Variants in GORASP2 observed in about 807,000 individuals in gnomAD.
The protein encoded by GORASP2 is golgi reassembly stacking protein 2, also known as Golgi reassembly-stacking protein 2.
Under a neutral mutation model 45.7 loss-of-function variants are expected in GORASP2, and 22 were observed. The ratio of observed to expected loss-of-function variants is 0.48; its 90% CI spans 0.34 to 0.69. The LOEUF is 0.69. Ranked by LOEUF, GORASP2 falls within the 30% of genes least tolerant of loss-of-function variation. The pLI is 0.01. For synonymous variants in GORASP2, 221 were observed against 215.6 expected (o/e 1.02, Z -0.22); for missense variants, 491 against 562.7 (o/e 0.87, Z 1.29).
Position 170,965,645 on chromosome 2 carries a change from T to C in GORASP2, c.1019-145T>C, listed in dbSNP as rs1704667498. The C allele has an allele frequency of 4.6e-6, 3 of 646,962 alleles. No individual in the cohort carries two copies. The South Asian group carries it at 5.6e-5, about 12-fold the overall frequency. The allele number at this position is 646,962 out of a possible 1,614,324, so 40.1% of individuals were successfully genotyped here. A position where few individuals can be genotyped will look rare whatever the true frequency, so the allele number is the denominator to read the frequency against. Reference sequence around the variant, plus strand: ...ATAGTTAACCCTGCCAGGGCCTCTATCTGGAAATCAGCCAAGGTTGTGATT... The same window carrying C: ...ATAGTTAACCCTGCCAGGGCCTCTACCTGGAAATCAGCCAAGGTTGTGATT... On this transcript the variant is annotated intron_variant, in intron 9 of 9. Coordinates refer to ENST00000234160, the MANE Select transcript of GORASP2 (RefSeq NM_015530.5).
At chr2:170,929,953 GGACTTAAACA>G (rs1703779525) in intron 1 of GORASP2, 1 of 349,382 alleles carries the variant, frequency 2.9e-6, no homozygotes, top group African/African-American at 2.3e-5. Context: ...TAGGTTCGAC[GGACTTAAACA>G]GACTTGATTT....
intron 7 of GORASP2, among the ~76,000 whole-genome samples, chr2:170,959,124 C>G (rs1704494407): frequency 6.7e-6 from 1 of 150,368 alleles, no homozygotes; most frequent in Admixed American, 6.7e-5. Flanking sequence ...CCATGCCCGG[C>G]TAATTGTTTG....
intron 9 of GORASP2, among the ~76,000 whole-genome samples, chr2:170,963,473 C>CCCCCTCCTCCT (rs1559316839): frequency 7.8e-6 from 1 of 127,588 alleles, no homozygotes; most frequent in Non-Finnish European, 1.7e-5. Context: ...CTCCTCCTCC[C>CCCCCTCCTCCT]CCTCCTCCTC....
At chr2:170,932,202 A>G (rs1230357541) in intron 1 of GORASP2, among the ~76,000 whole-genome samples, 1 of 152,162 alleles carries the variant, frequency 6.6e-6, no homozygotes, top group Non-Finnish European at 1.5e-5. Context: ...ACTCTAGCCT[A>G]GGCAAAAAGA....
In GORASP2 at chr2:170,929,339, C is replaced by T; in HGVS notation, c.-2C>T. 7.3e-7 allele frequency: 1 copy of T among 1,375,414 alleles called. No individual in the cohort carries two copies. 85.2% of individuals were successfully genotyped at this position (1,375,414 alleles called of 1,614,324 possible). A position where few individuals can be genotyped will look rare whatever the true frequency, so the allele number is the denominator to read the frequency against. On this transcript the variant is annotated 5_prime_UTR_variant, in exon 1 of 10. Transcript: ENST00000234160. ...GCTCGGCCACACCGATCGCCCGCCG[C>T]CATGGGCTCCTCGCAAAGCGTCGAG...
chr2:170,960,623 A>G (rs1704534737), intron 7 of GORASP2, among the ~76,000 whole-genome samples: 1 of 152,274 alleles, frequency 6.6e-6, no homozygotes, highest in Non-Finnish European at 1.5e-5. Flanking sequence ...TAAAAAAATT[A>G]TAGCATTGCT....
intron 7 of GORASP2, among the ~76,000 whole-genome samples, chr2:170,958,459 A>C (rs1264724318): frequency 6.6e-6 from 1 of 152,136 alleles, no homozygotes; most frequent in Non-Finnish European, 1.5e-5. Flanking sequence ...AAGGGAACTT[A>C]AAGTTTATTT....
chr2:170,935,089 T>G (rs1703917392), intron 1 of GORASP2, among the ~76,000 whole-genome samples: 1 of 152,204 alleles, frequency 6.6e-6, no homozygotes, highest in Admixed American at 6.5e-5. Context: ...ATAAACATTC[T>G]TTTAAATTGC....
chr2:170,936,760 C>A, intron 1 of GORASP2: 2 of 596,884 alleles, frequency 3.4e-6, no homozygotes, highest in Non-Finnish European at 5.6e-6. Flanking sequence ...TAAGACCACG[C>A]TGGGCAACAT....
At chr2:170,950,140 C>A in intron 3 of GORASP2, 64 bp from the exon 4 acceptor site, 1 of 789,434 alleles carries the variant, frequency 1.3e-6, no homozygotes, top group Non-Finnish European at 2.0e-6. Flanking sequence ...AAAAATTGGA[C>A]TATAAACCTT....
chr2:170,948,441 C>T lies in GORASP2; in HGVS notation c.144+11C>T, dbSNP rs1190373332. 7.1e-7 allele frequency: 1 copy of T among 1,398,710 alleles called. No homozygotes were observed. Among genetic ancestry groups the T allele is most frequent in the Non-Finnish European group, 1.0e-6 (1 of 991,890 alleles). 86.6% of individuals were successfully genotyped at this position (1,398,710 alleles called of 1,614,324 possible). ...AATGGTTCAAGATTAGTAAGTTCAA[C>T]TTTCTGTAGTTTTGTCTATAGTATT... On this transcript the variant is annotated intron_variant, in intron 2 of 9. Transcript: ENST00000234160.
intron 9 of GORASP2, among the ~76,000 whole-genome samples, chr2:170,965,510 G>A (rs1704663356): frequency 6.6e-6 from 1 of 152,158 alleles, no homozygotes; most frequent in Non-Finnish European, 1.5e-5. Context: ...CTGACTGGAA[G>A]GATCCTATCT....
chr2:170,932,179 AT>A (rs1233306988), intron 1 of GORASP2, among the ~76,000 whole-genome samples: 1 of 152,166 alleles, frequency 6.6e-6, no homozygotes, highest in African/African-American at 2.4e-5. Context: ...GTGAGCTGAG[AT>A]TGTGCCATTG....
chr2:170,958,280 CT>C (rs1343630562), intron 7 of GORASP2, among the ~76,000 whole-genome samples: 51 of 152,082 alleles, frequency 3.4e-4, no homozygotes, highest in Non-Finnish European at 8.8e-5. Flanking sequence ...TTTTTTCCAG[CT>C]TTATCGATAA....
chr2:170,960,413 G>T (rs1704530270), intron 7 of GORASP2, among the ~76,000 whole-genome samples: 1 of 152,298 alleles, frequency 6.6e-6, no homozygotes, highest in South Asian at 2.1e-4. Flanking sequence ...CCACTTGTGG[G>T]CCCTAGATTT....
At chr2:170,948,299 A>G (rs755039458) in intron 1 of GORASP2, 51 bp from the exon 2 acceptor site, 60 of 1,037,592 alleles carry the variant, frequency 5.8e-5, no homozygotes, top group Non-Finnish European at 8.0e-5. Flanking sequence ...TCGGCTTACA[A>G]TTTTCACCTA....
upstream of GORASP2, chr2:170,929,072 C>T: frequency 2.7e-6 from 1 of 371,632 alleles, no homozygotes; most frequent in East Asian, 3.9e-5. Flanking sequence ...GACGCGGTGC[C>T]TCCCAGTCCT....
intron 1 of GORASP2, among the ~76,000 whole-genome samples, chr2:170,942,572 G>T (rs1704101436): frequency 6.6e-6 from 1 of 152,096 alleles, no homozygotes; most frequent in Non-Finnish European, 1.5e-5. Flanking sequence ...CCTTTCTTAT[G>T]GGTATACCAC....
Position 170,950,206 on chromosome 2 carries a change from G to T in GORASP2, c.351G>T (p.Glu117Asp). 6.7e-7 allele frequency: 1 copy of T among 1,498,064 alleles called. No homozygotes were observed. The highest frequency in any genetic ancestry group is 2.3e-5 in the East Asian group (1 of 43,208). The allele number at this position is 1,498,064 out of a possible 1,614,324, so 92.8% of individuals were successfully genotyped here. A position where few individuals can be genotyped will look rare whatever the true frequency, so the allele number is the denominator to read the frequency against. ...GANENVWHVL[E>D]VESNSPAALA... ...GGTGTGTGTTTATGTCATTCTAGGAGGTGGAATCAAATTCTCCTGCAGCAC... is the reference window on the plus strand; with the variant it reads ...GGTGTGTGTTTATGTCATTCTAGGATGTGGAATCAAATTCTCCTGCAGCAC... Residue 117 changes from glutamate to aspartate, a missense_variant and splice_region_variant, in exon 4 of 10, where the codon GAG (glutamate) becomes GAT (aspartate). Physicochemically the swap from Glu to Asp is conservative, Grantham distance 45 (BLOSUM62 2). Transcript: ENST00000234160.
Sources: gnomAD v4.1 joint callset for allele counts (sites outside exome capture counted in the v4.1 genomes callset) on GRCh38, gnomAD v4.1.1 for gene constraint, MANE v1.5 for transcripts, NCBI Gene and HGNC (gene_info 2026-07-23, HGNC 2026-07-21) for gene names.